The following KDM4A variants were observed in gnomAD, a reference collection of about 807,000 sequenced individuals.
The protein encoded by KDM4A is lysine demethylase 4A.
In KDM4A, 23 loss-of-function variants were observed where a neutral mutation model predicts 127.1. That is an observed-to-expected ratio of 0.18 (90% CI 0.13 to 0.26). The LOEUF is 0.26. Among genes scored for constraint, KDM4A ranks in the 10% least tolerant of loss-of-function variants. The pLI is 1.00. For synonymous variants in KDM4A, 443 were observed against 466.5 expected (o/e 0.95, Z 0.65); for missense variants, 890 against 1,329.1 (o/e 0.67, Z 5.14).
At chr1:43,678,862 A>C (rs1660798130) in intron 11 of KDM4A, among the ~76,000 whole-genome samples, 1 of 152,156 alleles carries the variant, frequency 6.6e-6, no homozygotes, top group Non-Finnish European at 1.5e-5. Flanking sequence ...GCTGGGATAT[A>C]GGCATGAGCC....
At chr1:43,685,262 C>T (rs1446933223) in intron 12 of KDM4A, among the ~76,000 whole-genome samples, 1 of 152,092 alleles carries the variant, frequency 6.6e-6, no homozygotes, top group Non-Finnish European at 1.5e-5. Context: ...AGCATGGTCT[C>T]CTTGGCTGCC....
intron 13 of KDM4A, among the ~76,000 whole-genome samples, 162 bp downstream of exon 13, chr1:43,689,257 G>A (rs923483157): frequency 6.6e-6 from 1 of 152,256 alleles, no homozygotes; most frequent in East Asian, 1.9e-4. Flanking sequence ...TCTCCAGGCA[G>A]ATAACCCAGC....
In KDM4A at chr1:43,667,761, C is replaced by T; in HGVS notation, c.916-11C>T. 6.2e-7 allele frequency: 1 copy of T among 1,614,086 alleles called. No homozygotes were observed. Among genetic ancestry groups the T allele is most frequent in the Non-Finnish European group, 8.5e-7 (1 of 1,180,004 alleles). On this transcript the variant is annotated splice_polypyrimidine_tract_variant and intron_variant, in intron 8 of 21. Transcript: ENST00000372396. ...ATGCTCACCTGGTGCTCTTCTGGTT[C>T]CTGCTGACAGTGCTCCTGTAGAAAG... is the stretch of plus-strand genomic sequence containing the variant.
chr1:43,704,322 C>T lies in KDM4A; in HGVS notation c.3147C>T (p.Tyr1049=), dbSNP rs781066137. Residue 1049 remains tyrosine, a synonymous_variant, in exon 22 of 22, where the codon TAC becomes TAT. Coordinates refer to ENST00000372396, the MANE Select transcript of KDM4A (RefSeq NM_014663.3). ...KKRQRVINSR[Y]REDYIEPALY... ...GGCAACGAGTTATCAACTCAAGATA[C>T]CGGGAAGATTATATTGAGCCTGCAC... 31 of 1,613,788 alleles carry T rather than the reference C, an allele frequency of 1.9e-5. No homozygotes were observed. The highest frequency in any genetic ancestry group is 2.6e-5 in the Non-Finnish European group (31 of 1,179,998).
Position 43,697,831 on chromosome 1 carries a change from G to GT in KDM4A, c.2671-5dup, listed in dbSNP as rs747997400. On this transcript the variant is annotated splice_polypyrimidine_tract_variant and intron_variant, in intron 18 of 21. Transcript: ENST00000372396. ...CCACGTGTGAGTAACCAAAGCCTCT[G>GT]TTTTTTTCCAGCGTGCCAAGGGGGC... 3 of 1,609,828 alleles carry GT rather than the reference G, an allele frequency of 1.9e-6. No homozygotes were observed. Among genetic ancestry groups the GT allele is most frequent in the East Asian group, 2.2e-5 (1 of 44,814 alleles).
intron 12 of KDM4A, among the ~76,000 whole-genome samples, chr1:43,687,308 A>T (rs1378163167): frequency 6.6e-6 from 1 of 152,242 alleles, no homozygotes; most frequent in Non-Finnish European, 1.5e-5. Context: ...GTTGCCAGAA[A>T]TGAAGAAACA....
In KDM4A at chr1:43,693,036, A is replaced by G. The variant is rs1661155352; in HGVS notation, c.2375+725A>G. 6.6e-6 allele frequency among the ~76,000 whole-genome samples: 1 copy of G among 152,186 alleles called. No individual in the cohort carries two copies. The highest frequency in any genetic ancestry group is 2.1e-4 in the South Asian group (1 of 4,822). ...ATGTTCAGTCCAGCCGCCTGCCCTC[A>G]AGAGTCCCAGTTATGCTGTCCCTGA... On this transcript the variant is annotated intron_variant, in intron 16 of 21. Coordinates refer to ENST00000372396, the MANE Select transcript of KDM4A (RefSeq NM_014663.3). The surrounding 1 kb of genome is among the most constrained non-coding windows in gnomAD (Gnocchi z 4.2).
Position 43,663,107 on chromosome 1 carries a change from G to T in KDM4A, c.623+20G>T. ...GTCCTGGTACAGTCTGCCTGCAGTC[G>T]GCACCGGGCTTCTATGCTAGAGCAC... is the stretch of plus-strand genomic sequence containing the variant. On this transcript the variant is annotated intron_variant, in intron 5 of 21. Transcript: ENST00000372396. The T allele has an allele frequency of 6.2e-7, 1 of 1,601,178 alleles. No individual in the cohort carries two copies. Among genetic ancestry groups the T allele is most frequent in the Non-Finnish European group, 8.5e-7 (1 of 1,172,468 alleles).
intron 11 of KDM4A, among the ~76,000 whole-genome samples, chr1:43,675,387 T>C (rs1482824555): frequency 1.3e-5 from 2 of 152,208 alleles, no homozygotes; most frequent in East Asian, 3.8e-4. Flanking sequence ...GTGGGAGAGT[T>C]AGCAGCTCAG....
chr1:43,660,478 G>C (rs541052902), intron 4 of KDM4A, 66 bp downstream of exon 4: 1 of 1,533,084 alleles, frequency 6.5e-7, no homozygotes, highest in Non-Finnish European at 8.8e-7. Flanking sequence ...TTTTCGGCCC[G>C]GCACGTAGTA....
chr1:43,699,720 T>C (rs1251984744), intron 19 of KDM4A: 1 of 151,810 alleles, frequency 6.6e-6, no homozygotes, highest in Non-Finnish European at 1.5e-5. Context: ...ATCTCTTTAA[T>C]GTCTTTTTTT....
At chr1:43,701,095 G>C (rs2154049394) in intron 19 of KDM4A, among the ~76,000 whole-genome samples, 1 of 151,730 alleles carries the variant, frequency 6.6e-6, no homozygotes, top group African/African-American at 2.4e-5. Flanking sequence ...ACTAATTTTT[G>C]TATTTTTAGT....
At chr1:43,673,606 C>T (rs565263839) in intron 11 of KDM4A, among the ~76,000 whole-genome samples, 6 of 152,286 alleles carry the variant, frequency 3.9e-5, no homozygotes, top group African/African-American at 1.4e-4. Context: ...GAATGTTCCT[C>T]TTTCCATCCC....
chr1:43,658,598 G>A (rs1467645629), intron 3 of KDM4A, among the ~76,000 whole-genome samples: 1 of 150,570 alleles, frequency 6.6e-6, no homozygotes, highest in Admixed American at 6.6e-5. Flanking sequence ...CCGCCTCCTG[G>A]GTTCAAGCAA....
rs866570824 is a variant in KDM4A at position 43,665,085 on chromosome 1, T to C, written c.624-611T>C. ...TGCAAAAGTTTAATAGTCCTAGGTG[T>C]TCTTTTTTACTTTTCATTTTTTAGG... On this transcript the variant is annotated intron_variant, in intron 5 of 21. Coordinates refer to ENST00000372396, the MANE Select transcript of KDM4A (RefSeq NM_014663.3). 3.3e-5 allele frequency among the ~76,000 whole-genome samples: 5 copies of C among 152,212 alleles called. No individual in the cohort carries two copies. In the South Asian group the frequency reaches 1.0e-3, roughly 32 times the overall value.
intron 4 of KDM4A, among the ~76,000 whole-genome samples, chr1:43,660,656 A>G (rs1215355270): frequency 6.6e-6 from 1 of 152,156 alleles, no homozygotes; most frequent in Non-Finnish European, 1.5e-5. Flanking sequence ...GGTTGTTAGC[A>G]TAGTCGGTGG....
At chr1:43,692,048 T>C (rs1334472450) in intron 15 of KDM4A, among the ~76,000 whole-genome samples, 1 of 152,220 alleles carries the variant, frequency 6.6e-6, no homozygotes, top group Admixed American at 6.5e-5. Flanking sequence ...TTATGTGAAG[T>C]CACGTGACTA....
intron 11 of KDM4A, among the ~76,000 whole-genome samples, chr1:43,679,097 A>G (rs1260128555): frequency 6.6e-6 from 1 of 152,130 alleles, no homozygotes; most frequent in Non-Finnish European, 1.5e-5. Flanking sequence ...AGTGCAACCC[A>G]GCCCTTTTCA....
In KDM4A at chr1:43,665,555, T is replaced by G. The variant is rs1660482171; in HGVS notation, c.624-141T>G. On this transcript the variant is annotated intron_variant, in intron 5 of 21. Transcript: ENST00000372396. Reference sequence around the variant, plus strand: ...TCCTGTGCCCAAACAGTCTAATATTTCATTTTTTCAGATTCCTTTCTACTG... The same window carrying G: ...TCCTGTGCCCAAACAGTCTAATATTGCATTTTTTCAGATTCCTTTCTACTG... 4 of 685,614 alleles carry G rather than the reference T, an allele frequency of 5.8e-6. No homozygotes were observed. In the Admixed American group the frequency reaches 9.7e-5, roughly 17 times the overall value. 42.5% of individuals were successfully genotyped at this position (685,614 alleles called of 1,614,324 possible). A position where few individuals can be genotyped will look rare whatever the true frequency, so the allele number is the denominator to read the frequency against.
Sources: gnomAD v4.1 joint callset for allele counts (sites outside exome capture counted in the v4.1 genomes callset) on GRCh38, gnomAD v4.1.1 for gene constraint, Gnocchi (gnomAD v3.1) non-coding constraint, MANE v1.5 for transcripts, NCBI Gene and HGNC (gene_info 2026-07-23, HGNC 2026-07-21) for gene names.